The following SDK2 variants were observed in gnomAD, a reference collection of about 807,000 sequenced individuals.
The protein encoded by SDK2 is sidekick cell adhesion molecule 2, also known as protein sidekick-2.
SDK2 carries 105 observed loss-of-function variants against 253.9 expected under a neutral mutation model. The observed-to-expected ratio is 0.41, with a 90% CI of 0.35 to 0.49. SDK2 has a LOEUF of 0.49. Ranked by LOEUF, SDK2 falls within the 20% of genes least tolerant of loss-of-function variation. SDK2 has a pLI of 0.06. For missense variants in SDK2, 2,608 were observed against 3,003.0 expected, an observed-to-expected ratio of 0.87 and a Z score of 3.07; for synonymous variants, 1,249 against 1,234.9, an observed-to-expected ratio of 1.01 and a Z score of -0.24.
At chr17:73,393,242 CAAAAAA>C (rs11443969) in intron 27 of SDK2, among the ~76,000 whole-genome samples, 40 of 85,544 alleles carry the variant, frequency 4.7e-4, no homozygotes, top group Admixed American at 2.8e-3. Context: ...GATACTCTAT[CAAAAAA>C]AAAAAAAAAA....
intron 1 of SDK2, among the ~76,000 whole-genome samples, chr17:73,607,738 G>A (rs1039840954): frequency 2.0e-5 from 3 of 152,196 alleles, no homozygotes; most frequent in African/African-American, 7.2e-5. Flanking sequence ...GAAAGCAACA[G>A]AGAGTCGGAT....
intron 1 of SDK2, among the ~76,000 whole-genome samples, chr17:73,592,662 G>A (rs1878657865): frequency 6.6e-6 from 1 of 152,236 alleles, no homozygotes; most frequent in Non-Finnish European, 1.5e-5. Context: ...GAGGGCCGGG[G>A]AAGCGCGAGG....
At position 73,431,447 on chromosome 17, in the gene SDK2, G is replaced by A. The variant is rs950357907; in HGVS notation, c.1480+55C>T. ...CTGTCCTGAGTCCTCAGCACCTACA[G>A]GGATGTACACACGCACACACAAATG... is the stretch of plus-strand genomic sequence containing the variant. On this transcript the variant is annotated intron_variant, in intron 11 of 44. Transcript: ENST00000392650. This position sits in a 1 kb window ranked among gnomAD's most constrained non-coding sequence, Gnocchi z 5.6. The A allele has an allele frequency of 7.8e-6, 12 of 1,541,800 alleles. No individual in the cohort carries two copies. The highest frequency in any genetic ancestry group is 1.1e-5 in the Non-Finnish European group (12 of 1,137,284).
intron 18 of SDK2, among the ~76,000 whole-genome samples, chr17:73,412,100 A>G (rs12939492): frequency 1.4e-4 from 13 of 89,912 alleles, no homozygotes; most frequent in African/African-American, 2.8e-4. Context: ...ATACGTATAT[A>G]TGTATACGTA....
chr17:73,611,115 C>T (rs945339924), intron 1 of SDK2, among the ~76,000 whole-genome samples: 13 of 152,198 alleles, frequency 8.5e-5, no homozygotes, highest in African/African-American at 2.4e-4. Context: ...ACCAGGGGCT[C>T]CGAGGGGTTG....
intron 1 of SDK2, among the ~76,000 whole-genome samples, chr17:73,566,258 C>T (rs534581907): frequency 1.3e-5 from 2 of 151,682 alleles, no homozygotes; most frequent in Non-Finnish European, 2.9e-5. Context: ...AAACAGGTGC[C>T]AACACTATGC....
At chr17:73,525,615 A>G (rs1599648700) in intron 1 of SDK2, among the ~76,000 whole-genome samples, 4 of 151,668 alleles carry the variant, frequency 2.6e-5, no homozygotes, top group Admixed American at 6.6e-5. Context: ...CTGCACCACC[A>G]CCTCCTCTGC....
At chr17:73,603,884 A>T (rs1178695278) in intron 1 of SDK2, among the ~76,000 whole-genome samples, 2 of 152,174 alleles carry the variant, frequency 1.3e-5, no homozygotes, top group Non-Finnish European at 2.9e-5. Context: ...ACTTCCTGGG[A>T]TCAGAGGTCA....
chr17:73,388,966 C>T (rs1444655613), intron 29 of SDK2, among the ~76,000 whole-genome samples: 2 of 70 alleles, frequency 0.029, no homozygotes, highest in Non-Finnish European at 0.043. Flanking sequence ...CCTCCCCTCT[C>T]CTCCCTTCCC....
At chr17:73,522,100 G>T (rs1195157120) in intron 1 of SDK2, among the ~76,000 whole-genome samples, 1 of 152,260 alleles carries the variant, frequency 6.6e-6, no homozygotes, top group African/African-American at 2.4e-5. Context: ...AGGTGTTGCA[G>T]GTCCACATTA....
intron 21 of SDK2, among the ~76,000 whole-genome samples, chr17:73,400,483 TGC>T (rs1366117020): frequency 3.3e-5 from 5 of 152,110 alleles, no homozygotes; most frequent in African/African-American, 1.2e-4. Flanking sequence ...AGGGGGCCTC[TGC>T]TTTTCTGAGA....
At chr17:73,406,963 C>T (rs1482606284) in intron 18 of SDK2, among the ~76,000 whole-genome samples, 1 of 152,070 alleles carries the variant, frequency 6.6e-6, no homozygotes, top group Non-Finnish European at 1.5e-5. Flanking sequence ...GTGGGAATAA[C>T]GTAGGTGGGT....
intron 2 of SDK2, among the ~76,000 whole-genome samples, chr17:73,477,594 G>A (rs2063695043): frequency 6.6e-6 from 1 of 152,230 alleles, no homozygotes; most frequent in Non-Finnish European, 1.5e-5. Context: ...GGATACAAAT[G>A]CCTGCACAAA....
chr17:73,384,775 C>G (rs1395210170), intron 32 of SDK2, among the ~76,000 whole-genome samples: 1 of 152,148 alleles, frequency 6.6e-6, no homozygotes, highest in Non-Finnish European at 1.5e-5. Flanking sequence ...AAGATTGAAC[C>G]ACTGTACTCC....
chr17:73,592,044 C>A (rs790088), intron 1 of SDK2, among the ~76,000 whole-genome samples: 1 of 152,254 alleles, frequency 6.6e-6, no homozygotes, highest in Non-Finnish European at 1.5e-5. Flanking sequence ...TTGATCTCTG[C>A]GGTCCCCTTC....
intron 1 of SDK2, among the ~76,000 whole-genome samples, chr17:73,542,012 A>G (rs1237735821): frequency 6.6e-6 from 1 of 152,208 alleles, no homozygotes; most frequent in East Asian, 1.9e-4. Context: ...GACAAGGATT[A>G]AATAAAACAG....
chr17:73,518,552 T>G (rs1254048456), intron 1 of SDK2: 1 of 152,136 alleles, frequency 6.6e-6, no homozygotes, highest in Non-Finnish European at 1.5e-5. Flanking sequence ...CCTCCAACCT[T>G]GCATGGAAAA....
rs1255911835 is a variant in SDK2 at position 73,379,585 on chromosome 17, G to C, written c.4763-36C>G. 1.6e-5 allele frequency: 21 copies of C among 1,329,778 alleles called. No individual in the cohort carries two copies. Among genetic ancestry groups the C allele is most frequent in the Non-Finnish European group, 2.2e-5 (21 of 936,864 alleles). 82.4% of individuals were successfully genotyped at this position (1,329,778 alleles called of 1,614,324 possible). A position where few individuals can be genotyped will look rare whatever the true frequency, so the allele number is the denominator to read the frequency against. ...GAGTGGGGGAGGGGAAGCACACTGA[G>C]GTCACCGTCATTGCTGGGAAGGTGT... On this transcript the variant is annotated intron_variant, in intron 34 of 44. Coordinates refer to ENST00000392650, the MANE Select transcript of SDK2 (RefSeq NM_001144952.2). This position sits in a 1 kb window ranked among gnomAD's most constrained non-coding sequence, Gnocchi z 4.5.
Position 73,447,765 on chromosome 17 carries a change from GATTC to G in SDK2, c.480-21_480-18del. 1 of 1,551,576 alleles carries G rather than the reference GATTC, an allele frequency of 6.4e-7. No homozygotes were observed. The highest frequency in any genetic ancestry group is 2.0e-5 in the Admixed American group (1 of 50,998). ...GTGATGGCTCTGGGAAGAGGAAAAG[GATTC>G]CTCTGACAGGGGCCTAAGGGGCTCT... On this transcript the variant is annotated intron_variant, in intron 4 of 44. Coordinates refer to ENST00000392650, the MANE Select transcript of SDK2 (RefSeq NM_001144952.2). This position sits in a 1 kb window ranked among gnomAD's most constrained non-coding sequence, Gnocchi z 4.0.
Sources: allele counts gnomAD v4.1 joint callset (sites outside exome capture counted in the v4.1 genomes callset), GRCh38; gene constraint gnomAD v4.1.1; non-coding constraint Gnocchi (gnomAD v3.1); transcripts MANE v1.5; gene names NCBI Gene and HGNC (gene_info 2026-07-23, HGNC 2026-07-21).